Variants in SLC11A2 observed in about 807,000 individuals in gnomAD.
SLC11A2 encodes the protein solute carrier family 11 member 2, also known as natural resistance-associated macrophage protein 2.
A neutral mutation model predicts 68.0 loss-of-function variants in SLC11A2; 38 were observed. The ratio of observed to expected loss-of-function variants is 0.56; its 90% CI spans 0.43 to 0.73. SLC11A2 has a LOEUF of 0.73. SLC11A2 is among the 30% of genes least tolerant of loss of function. The pLI is 0.00. For missense variants in SLC11A2, 517 were observed against 690.5 expected, an observed-to-expected ratio of 0.75 and a Z score of 2.82; for synonymous variants, 242 against 250.6, an observed-to-expected ratio of 0.97 and a Z score of 0.32.
chr12:50,996,580 TAAA>T (rs761915241), intron 9 of SLC11A2, among the ~76,000 whole-genome samples: 4 of 129,162 alleles, frequency 3.1e-5, no homozygotes, highest in Non-Finnish European at 1.7e-5. Context: ...CATCTCAATT[TAAA>T]AAAAAAAAAA....
At chr12:50,996,621 T>C (rs894127210) in intron 9 of SLC11A2, among the ~76,000 whole-genome samples, 196 bp downstream of exon 9, 8 of 151,952 alleles carry the variant, frequency 5.3e-5, no homozygotes, top group African/African-American at 1.2e-4. Flanking sequence ...ACCTGCTTTA[T>C]GCAGTTAGTA....
At chr12:50,955,058 G>A in the SLC11A2 span, among the ~76,000 whole-genome samples, 2,033 of 152,214 alleles carry the variant, frequency 0.013, 48 homozygotes, top group African/African-American at 0.045. Context: ...TTGAGAGGCC[G>A]AGGCAGGTGG....
chr12:50,978,518 G>C (rs144667851), downstream of SLC11A2, among the ~76,000 whole-genome samples: 1 of 147,820 alleles, frequency 6.8e-6, no homozygotes, highest in East Asian at 2.0e-4. Context: ...GGGAGGGATA[G>C]CATTAGGAGA....
At chr12:50,997,338 G>A (rs1156698286) in intron 8 of SLC11A2, among the ~76,000 whole-genome samples, 1 of 152,138 alleles carries the variant, frequency 6.6e-6, no homozygotes, top group Non-Finnish European at 1.5e-5. Context: ...GAGAATTCAA[G>A]ACTGAGTATC....
Position 51,008,594 on chromosome 12 carries a change from G to A in SLC11A2, c.65C>T (p.Ala22Val). The A allele has an allele frequency of 1.9e-6, 3 of 1,612,488 alleles. No homozygotes were observed. The highest frequency in any genetic ancestry group is 2.5e-6 in the Non-Finnish European group (3 of 1,178,646). The change falls in exon 3 of 16, where the codon GCC (alanine) becomes GTC (valine). Residue 22 changes from alanine (A) to valine (V), a missense_variant. Physicochemically the swap from Ala to Val is moderately conservative, Grantham distance 64. Transcript: ENST00000262052. ...DSVSGDHGES[A>V]SLGNINPAYS... ...GGCAGGGTTGATGTTACCAAGACTG[G>A]CAGACTCCCCATGATCTCCAGAAAC... is the stretch of plus-strand genomic sequence containing the variant.
chr12:51,002,653 A>AAAAAAAAAAAG (rs57712551), intron 5 of SLC11A2, among the ~76,000 whole-genome samples: 1 of 150,530 alleles, frequency 6.6e-6, no homozygotes, highest in Admixed American at 6.6e-5. Context: ...AAAAAAAAAA[A>AAAAAAAAAAAG]GGGCAGAGCC....
At chr12:51,017,429 C>G (rs1349264714) in intron 1 of SLC11A2, among the ~76,000 whole-genome samples, 3 of 152,108 alleles carry the variant, frequency 2.0e-5, no homozygotes, top group Non-Finnish European at 4.4e-5. Flanking sequence ...AGAGAAAACA[C>G]ACACGTACAC....
At chr12:50,981,837 AT>A, downstream of SLC11A2, 1 of 1,233,572 alleles carries the variant, frequency 8.1e-7, no homozygotes, top group Non-Finnish European at 1.1e-6. Flanking sequence ...GGTTAGACTG[AT>A]TTTCACGTAT....
Position 50,987,759 on chromosome 12 carries a change from A to C in SLC11A2, c.*566T>G. ...TCCACTGAGAAATTAAAGTGGAAAT[A>C]AGTTCAAAGAATCCTAAGCCTGATA... is the stretch of plus-strand genomic sequence containing the variant. On this transcript the variant is annotated 3_prime_UTR_variant, in exon 16 of 16. Transcript: ENST00000262052. 7.8e-7 allele frequency: 1 copy of C among 1,287,024 alleles called. No homozygotes were observed. The highest frequency in any genetic ancestry group is 1.0e-6 in the Non-Finnish European group (1 of 988,608). The allele number at this position is 1,287,024 out of a possible 1,614,324, so 79.7% of individuals were successfully genotyped here. A position where few individuals can be genotyped will look rare whatever the true frequency, so the allele number is the denominator to read the frequency against.
chr12:50,959,170 A>C, the SLC11A2 span, among the ~76,000 whole-genome samples: 1 of 151,878 alleles, frequency 6.6e-6, no homozygotes, highest in African/African-American at 2.4e-5. Flanking sequence ...CCCAGGCAAG[A>C]GTGCAATGGT....
the SLC11A2 span, among the ~76,000 whole-genome samples, chr12:50,962,111 C>T: frequency 5.9e-5 from 9 of 152,238 alleles, no homozygotes; most frequent in East Asian, 1.4e-3. Flanking sequence ...GCTGGCTGGG[C>T]GCAGTGGCTT....
the SLC11A2 span, among the ~76,000 whole-genome samples, chr12:50,967,176 T>G: frequency 6.6e-5 from 10 of 151,548 alleles, no homozygotes; most frequent in Non-Finnish European, 7.4e-5. Context: ...AGTGCAGTGG[T>G]GCAATCATGG....
chr12:51,026,572 C>A (rs1944405521), upstream of SLC11A2, among the ~76,000 whole-genome samples: 3 of 151,718 alleles, frequency 2.0e-5, no homozygotes, highest in Admixed American at 2.0e-4. Flanking sequence ...GCGGGAGCTG[C>A]ATGCTGCCTA....
rs915748693 is a variant in SLC11A2 at position 51,011,793 on chromosome 12, C to T, written c.-38-1027G>A. 2.6e-5 allele frequency among the ~76,000 whole-genome samples: 4 copies of T among 151,994 alleles called. No individual in the cohort carries two copies. The East Asian group carries it at 7.7e-4, about 29-fold the overall frequency. ...GGCCACGCTGGTCTCAAAGTCCTGA[C>T]CTCATGATCCGCCCACCCCACTTCC... On this transcript the variant is annotated intron_variant, in intron 1 of 15. Coordinates refer to ENST00000262052, the MANE Select transcript of SLC11A2 (RefSeq NM_000617.3).
the SLC11A2 span, chr12:50,961,010 A>T: frequency 2.5e-6 from 4 of 1,609,700 alleles, no homozygotes; most frequent in South Asian, 2.2e-5. Context: ...GGTCTTTACA[A>T]GCTAAAGTAC....
the SLC11A2 span, among the ~76,000 whole-genome samples, chr12:50,959,399 T>A: frequency 2.6e-5 from 4 of 151,908 alleles, no homozygotes; most frequent in Admixed American, 6.6e-5. Context: ...GGATTATAGG[T>A]GTGAGCCACT....
At position 50,987,235 on chromosome 12, in the gene SLC11A2, A is replaced by G. The variant is rs763696315; in HGVS notation, c.*1090T>C. ...ACTTTGCTGAGACAGTGAACTTTGCAACCATACTAACACCTACTGACTTGC... is the reference window on the plus strand; with the variant it reads ...ACTTTGCTGAGACAGTGAACTTTGCGACCATACTAACACCTACTGACTTGC... On this transcript the variant is annotated 3_prime_UTR_variant, in exon 16 of 16. Coordinates refer to ENST00000262052, the MANE Select transcript of SLC11A2 (RefSeq NM_000617.3). The G allele has an allele frequency of 1.6e-6, 2 of 1,287,206 alleles. No individual in the cohort carries two copies. The highest frequency in any genetic ancestry group is 1.1e-4 in the East Asian group (2 of 18,024). 79.7% of individuals were successfully genotyped at this position (1,287,206 alleles called of 1,614,324 possible).
At position 50,991,039 on chromosome 12, in the gene SLC11A2, AAATG is replaced by A. The variant is rs374971862; in HGVS notation, c.1422-95_1422-92del. The stretch of plus-strand genomic sequence containing the variant: ...CAGGATGGGAATTAGAGGCAGTTCA[AAATG>A]AATGGAAAAATTGTTCTTAATTTGA... On this transcript the variant is annotated intron_variant, in intron 14 of 15. Transcript: ENST00000262052. The A allele has an allele frequency of 7.8e-5, 88 of 1,132,812 alleles. 1 individual carries two copies. In the East Asian group the frequency reaches 1.9e-3, roughly 24 times the overall value. 70.2% of individuals were successfully genotyped at this position (1,132,812 alleles called of 1,614,324 possible). A position where few individuals can be genotyped will look rare whatever the true frequency, so the allele number is the denominator to read the frequency against.
chr12:50,962,961 T>G, the SLC11A2 span, among the ~76,000 whole-genome samples: 179 of 152,238 alleles, frequency 1.2e-3, 1 homozygote, highest in African/African-American at 4.1e-3. Context: ...ACACTACTAG[T>G]AGTAATGTTT....
Sources: gnomAD v4.1 joint callset for allele counts (sites outside exome capture counted in the v4.1 genomes callset) on GRCh38, gnomAD v4.1.1 for gene constraint, MANE v1.5 for transcripts, NCBI Gene and HGNC (gene_info 2026-07-23, HGNC 2026-07-21) for gene names.